Variants in SGO2 observed in about 807,000 individuals in gnomAD.
The protein encoded by SGO2 is shugoshin 2, also known as shugoshin-like 2.
Under a neutral mutation model 99.5 loss-of-function variants are expected in SGO2, and 68 were observed. That is an observed-to-expected ratio of 0.68 (90% CI 0.56 to 0.84). SGO2 has a LOEUF of 0.84. Ranked by LOEUF, SGO2 falls within the 40% of genes least tolerant of loss-of-function variation. The pLI is 0.00. For missense variants in SGO2, 1,350 were observed against 1,436.7 expected (o/e 0.94, Z 0.97); for synonymous variants, 457 against 487.1 (o/e 0.94, Z 0.81).
intron 8 of SGO2, 119 bp from the exon 9 acceptor site, chr2:200,583,330 T>A (rs908899875): frequency 1.3e-6 from 1 of 744,946 alleles, no homozygotes; most frequent in Non-Finnish European, 2.1e-6. Flanking sequence ...TTAACAAAGC[T>A]TATGGTTTAA....
intron 8 of SGO2, chr2:200,580,465 T>A: frequency 2.3e-6 from 1 of 437,142 alleles, no homozygotes; most frequent in South Asian, 1.6e-5. Context: ...TCTTTGTGTT[T>A]TCTTTGATTT....
intron 5 of SGO2, among the ~76,000 whole-genome samples, chr2:200,551,878 T>C (rs895354345): frequency 6.6e-6 from 1 of 152,178 alleles, no homozygotes; most frequent in Non-Finnish European, 1.5e-5. Context: ...GTCTTAATTA[T>C]TAGCTTTATA....
At chr2:200,579,877 C>T (rs1466677609) in intron 8 of SGO2, among the ~76,000 whole-genome samples, 1 of 152,120 alleles carries the variant, frequency 6.6e-6, no homozygotes, top group African/African-American at 2.4e-5. Context: ...TCAAGAAAGT[C>T]ACCATCTTGG....
intron 5 of SGO2, among the ~76,000 whole-genome samples, chr2:200,553,434 C>T (rs1160106269): frequency 1.3e-5 from 2 of 152,114 alleles, no homozygotes; most frequent in African/African-American, 2.4e-5. Context: ...TTTTGAGCAA[C>T]AGCCAGAGAC....
chr2:200,583,426 C>A, intron 8 of SGO2, 23 bp from the exon 9 acceptor site: 1 of 1,573,766 alleles, frequency 6.4e-7, no homozygotes, highest in Non-Finnish European at 8.6e-7. Context: ...TGTTATTAAT[C>A]TTCCTTTTTT....
chr2:200,541,640 A>G (rs1350879848), intron 4 of SGO2, among the ~76,000 whole-genome samples: 2 of 152,222 alleles, frequency 1.3e-5, no homozygotes. Context: ...TCTCATAAAA[A>G]GAATATGAAA....
chr2:200,526,869 A>T lies in SGO2; in HGVS notation c.-3+617A>T, dbSNP rs948226127. Among the ~76,000 whole-genome samples, 2 of 152,168 alleles carry T rather than the reference A, an allele frequency of 1.3e-5. No individual in the cohort carries two copies. Among genetic ancestry groups the T allele is most frequent in the Non-Finnish European group, 2.9e-5 (2 of 68,032 alleles). ...GATGCTGGCCGGACAAGTGTCACAG[A>T]GTGCTGGTATTGAGTGCTGATAGTT... On this transcript the variant is annotated intron_variant, in intron 1 of 8. Transcript: ENST00000357799. This position sits in a 1 kb window ranked among gnomAD's most constrained non-coding sequence, Gnocchi z 4.8.
intron 4 of SGO2, among the ~76,000 whole-genome samples, chr2:200,538,017 G>A (rs888602885): frequency 7.9e-5 from 12 of 152,098 alleles, no homozygotes; most frequent in African/African-American, 2.9e-4. Flanking sequence ...CACCACGCAT[G>A]TCCAAGGCAC....
intron 1 of SGO2, among the ~76,000 whole-genome samples, 177 bp from the exon 2 acceptor site, chr2:200,532,797 G>C (rs2031479286): frequency 1.3e-5 from 2 of 152,006 alleles, no homozygotes; most frequent in African/African-American, 4.8e-5. Context: ...TACCTTTTTG[G>C]ATTATACCTT....
At chr2:200,535,748 C>G (rs1340789505) in intron 3 of SGO2, among the ~76,000 whole-genome samples, 2 of 151,934 alleles carry the variant, frequency 1.3e-5, no homozygotes, top group African/African-American at 2.4e-5. Flanking sequence ...AAACTGTTCT[C>G]TTGCCATGTG....
At chr2:200,527,813 A>C (rs1418901951) in intron 1 of SGO2, among the ~76,000 whole-genome samples, 3 of 152,254 alleles carry the variant, frequency 2.0e-5, no homozygotes, top group African/African-American at 7.2e-5. Flanking sequence ...ACAGATAATA[A>C]GTTAACTATT....
chr2:200,582,392 C>G (rs1197767092), intron 8 of SGO2, among the ~76,000 whole-genome samples: 3 of 152,024 alleles, frequency 2.0e-5, no homozygotes, highest in African/African-American at 7.2e-5. Flanking sequence ...TCTAATAGAT[C>G]TTCTTCCATA....
intron 8 of SGO2, among the ~76,000 whole-genome samples, chr2:200,582,832 G>A (rs1261178611): frequency 6.6e-6 from 1 of 152,154 alleles, no homozygotes; most frequent in Non-Finnish European, 1.5e-5. Flanking sequence ...TTTCAATAAA[G>A]GAGAGGCTTG....
intron 5 of SGO2, among the ~76,000 whole-genome samples, chr2:200,563,795 A>G (rs1470467106): frequency 2.0e-5 from 3 of 152,130 alleles, no homozygotes; most frequent in African/African-American, 4.8e-5. Context: ...GGGAGTGTGT[A>G]TGTGTCCAGG....
chr2:200,556,610 C>T (rs1321908908), intron 5 of SGO2, among the ~76,000 whole-genome samples: 1 of 152,092 alleles, frequency 6.6e-6, no homozygotes, highest in Non-Finnish European at 1.5e-5. Flanking sequence ...CAGATATCAA[C>T]CAGAAAGTAC....
intron 5 of SGO2, among the ~76,000 whole-genome samples, chr2:200,553,073 C>T (rs1206421785): frequency 6.6e-6 from 1 of 151,998 alleles, no homozygotes; most frequent in East Asian, 1.9e-4. Context: ...GTTAGGGTCT[C>T]TTGTATTTGG....
At chr2:200,531,056 G>A (rs1173939953) in intron 1 of SGO2, among the ~76,000 whole-genome samples, 1 of 152,160 alleles carries the variant, frequency 6.6e-6, no homozygotes, top group Non-Finnish European at 1.5e-5. Flanking sequence ...TGGTCCAGTG[G>A]AAAAGGAAAA....
intron 8 of SGO2, among the ~76,000 whole-genome samples, chr2:200,576,483 G>A (rs759968850): frequency 2.2e-4 from 33 of 152,090 alleles, no homozygotes; most frequent in Non-Finnish European, 4.3e-4. Context: ...GGCTGAGGCA[G>A]GAGAATCACC....
chr2:200,560,657 G>A (rs2032903408), intron 5 of SGO2, among the ~76,000 whole-genome samples: 1 of 151,908 alleles, frequency 6.6e-6, no homozygotes, highest in African/African-American at 2.4e-5. Context: ...ATATTGCTGG[G>A]TTTGATTTGC....
Sources: allele counts gnomAD v4.1 joint callset (sites outside exome capture counted in the v4.1 genomes callset), GRCh38; gene constraint gnomAD v4.1.1; non-coding constraint Gnocchi (gnomAD v3.1); transcripts MANE v1.5; gene names NCBI Gene and HGNC (gene_info 2026-07-23, HGNC 2026-07-21).